The following ITPRID1 variants were observed in gnomAD, a reference collection of about 807,000 sequenced individuals.
ITPRID1 encodes ITPR interacting domain containing 1.
ITPRID1 carries 96 observed loss-of-function variants against 95.4 expected under a neutral mutation model. The ratio of observed to expected loss-of-function variants is 1.01; its 90% CI spans 0.85 to 1.19. ITPRID1 has a LOEUF of 1.19. Ranked by LOEUF, ITPRID1 falls within the 50% of genes most tolerant of loss-of-function variation. The probability of loss-of-function intolerance (pLI) is 0.00; values close to 1 mark genes in which losing one functional copy is unlikely to be tolerated. For missense variants in ITPRID1, 1,339 were observed against 1,252.9 expected, an observed-to-expected ratio of 1.07 and a Z score of -1.04; for synonymous variants, 510 against 453.6, an observed-to-expected ratio of 1.12 and a Z score of -1.58.
At chr7:31,529,812 TC>T in intron 1 of ITPRID1, 1 of 1,535,146 alleles carries the variant, frequency 6.5e-7, no homozygotes, top group East Asian at 2.4e-5. Flanking sequence ...CTGCTGAAAC[TC>T]CTTTATTCTG....
chr7:31,558,282 C>T (rs973271326), intron 5 of ITPRID1, among the ~76,000 whole-genome samples: 3 of 152,070 alleles, frequency 2.0e-5, no homozygotes, highest in East Asian at 1.9e-4. Flanking sequence ...ACTCAGTCTG[C>T]GGTATTGTGT....
At chr7:31,523,476 C>T (rs1412206601) in intron 1 of ITPRID1, among the ~76,000 whole-genome samples, 4 of 152,132 alleles carry the variant, frequency 2.6e-5, no homozygotes, top group African/African-American at 9.7e-5. Flanking sequence ...CAATAGTAAT[C>T]CATGAGGGAT....
chr7:31,644,113 T>C (rs1357263713), intron 12 of ITPRID1, among the ~76,000 whole-genome samples, 160 bp downstream of exon 12: 1 of 152,242 alleles, frequency 6.6e-6, no homozygotes, highest in Non-Finnish European at 1.5e-5. Flanking sequence ...GTTTATGATA[T>C]AGTATCACAC....
intron 10 of ITPRID1, among the ~76,000 whole-genome samples, chr7:31,615,037 T>TTTAA (rs1787070833): frequency 6.6e-6 from 1 of 152,158 alleles, no homozygotes; most frequent in Non-Finnish European, 1.5e-5. Context: ...TTAGTTTCAG[T>TTTAA]TTAATTTTAT....
chr7:31,573,420 G>A (rs1785063268), intron 7 of ITPRID1, among the ~76,000 whole-genome samples: 1 of 151,870 alleles, frequency 6.6e-6, no homozygotes, highest in African/African-American at 2.4e-5. Context: ...AAAAGAAAGT[G>A]TGAACATGAT....
intron 10 of ITPRID1, among the ~76,000 whole-genome samples, chr7:31,619,644 G>A (rs1434784659): frequency 6.6e-6 from 1 of 152,052 alleles, no homozygotes; most frequent in Non-Finnish European, 1.5e-5. Context: ...GGCCGAATAG[G>A]AACAGCTCCA....
rs189142276 is a variant in ITPRID1, at chr7:31,542,821, C to T, written c.-97-6605C>T. Among the ~76,000 whole-genome samples, 250 of 152,232 alleles carry T rather than the reference C, an allele frequency of 1.6e-3. 3 individuals carry two copies. The highest frequency in any genetic ancestry group is 5.9e-3 in the African/African-American group (245 of 41,566). On this transcript the variant is annotated intron_variant, in intron 1 of 14. Transcript: ENST00000615280. ...TAGTATATGCAAACAAAAATGTATG[C>T]TGACAACTCTTAAGACATTTCTAAT...
intron 10 of ITPRID1, among the ~76,000 whole-genome samples, chr7:31,634,752 A>G (rs1256447473): frequency 2.0e-5 from 3 of 152,224 alleles, no homozygotes; most frequent in Non-Finnish European, 4.4e-5. Flanking sequence ...CTGGTTTGGA[A>G]CAGGATTCAG....
chr7:31,610,244 A>G (rs912854941), intron 10 of ITPRID1, among the ~76,000 whole-genome samples: 4 of 151,626 alleles, frequency 2.6e-5, no homozygotes, highest in South Asian at 2.1e-4. Context: ...AAATGTAAGT[A>G]TTCTTCTCAT....
chr7:31,514,666 G>C (rs1782994126), intron 1 of ITPRID1, among the ~76,000 whole-genome samples: 1 of 152,124 alleles, frequency 6.6e-6, no homozygotes, highest in Non-Finnish European at 1.5e-5. Flanking sequence ...TATCGCTCCA[G>C]TATAATTTGC....
rs151132793 is a variant in ITPRID1, at chr7:31,640,892, C to A, written c.1229-1284C>A. Among the ~76,000 whole-genome samples, 1,225 of 152,190 alleles carry A rather than the reference C, an allele frequency of 8.0e-3. 8 individuals carry two copies. The highest frequency in any genetic ancestry group is 0.017 in the Middle Eastern group (5 of 292). ...GGATTGAGCTATTTTAAAATGTATG[C>A]CCTCTGATTTTTAGCTTTTAGTTTT... On this transcript the variant is annotated intron_variant, in intron 10 of 14. Transcript: ENST00000615280.
downstream of ITPRID1, chr7:31,656,572 C>T (rs186491598): frequency 1.6e-4 from 109 of 699,114 alleles, no homozygotes; most frequent in East Asian, 1.2e-3. Flanking sequence ...TATTACCTAC[C>T]GCTTGATGAA....
chr7:31,520,373 G>A (rs145943492), intron 1 of ITPRID1, among the ~76,000 whole-genome samples: 18 of 152,102 alleles, frequency 1.2e-4, no homozygotes, highest in South Asian at 4.2e-4. Flanking sequence ...TATGCACATC[G>A]CACACCCAAG....
At chr7:31,527,303 T>C (rs1365096775) in intron 1 of ITPRID1, among the ~76,000 whole-genome samples, 1 of 152,204 alleles carries the variant, frequency 6.6e-6, no homozygotes, top group East Asian at 1.9e-4. Context: ...TTCCCATTAA[T>C]GGTAGAAACA....
At chr7:31,571,013 C>T (rs1784967432) in intron 6 of ITPRID1, among the ~76,000 whole-genome samples, 1 of 139,530 alleles carries the variant, frequency 7.2e-6, no homozygotes, top group Non-Finnish European at 1.6e-5. Flanking sequence ...AAGGACAGGG[C>T]CCAGCTATTG....
chr7:31,530,419 A>G (rs922960714), intron 1 of ITPRID1, among the ~76,000 whole-genome samples: 5 of 152,222 alleles, frequency 3.3e-5, no homozygotes, highest in African/African-American at 1.2e-4. Context: ...TAGAGTTGCC[A>G]GATAAAATTT....
chr7:31,557,509 C>G (rs1784488023), intron 5 of ITPRID1, among the ~76,000 whole-genome samples: 1 of 152,114 alleles, frequency 6.6e-6, no homozygotes, highest in Non-Finnish European at 1.5e-5. Flanking sequence ...TCTGCAGCTA[C>G]CTAAAATCTC....
intron 10 of ITPRID1, among the ~76,000 whole-genome samples, chr7:31,610,991 A>G (rs1202766635): frequency 1.3e-5 from 2 of 151,330 alleles, no homozygotes; most frequent in African/African-American, 4.8e-5. Context: ...TATGTCTGTC[A>G]TTTCATTATA....
At chr7:31,546,423 G>A (rs574325155) in intron 1 of ITPRID1, among the ~76,000 whole-genome samples, 3 of 152,022 alleles carry the variant, frequency 2.0e-5, no homozygotes, top group East Asian at 1.9e-4. Context: ...GTGTGCGTGC[G>A]CATATAACTG....
Sources: gnomAD v4.1 joint callset for allele counts (sites outside exome capture counted in the v4.1 genomes callset) on GRCh38, gnomAD v4.1.1 for gene constraint, MANE v1.5 for transcripts, NCBI Gene and HGNC (gene_info 2026-07-23, HGNC 2026-07-21) for gene names.